Variants in COP1 observed in about 807,000 individuals in gnomAD.
COP1 encodes the protein COP1 E3 ubiquitin ligase, also known as E3 ubiquitin-protein ligase COP1.
A neutral mutation model predicts 101.3 loss-of-function variants in COP1; 24 were observed. The observed-to-expected ratio is 0.24, with a 90% CI of 0.17 to 0.33. The LOEUF is 0.33. Among genes scored for constraint, COP1 ranks in the 10% least tolerant of loss-of-function variants. COP1 has a pLI of 1.00. For missense variants in COP1, 663 were observed against 906.2 expected, an observed-to-expected ratio of 0.73 and a Z score of 3.45; for synonymous variants, 347 against 341.9, an observed-to-expected ratio of 1.01 and a Z score of -0.17.
intron 14 of COP1, among the ~76,000 whole-genome samples, chr1:176,029,918 G>C (rs1668377024): frequency 6.6e-6 from 1 of 152,028 alleles, no homozygotes; most frequent in Admixed American, 6.6e-5. Context: ...AGTAAACTAA[G>C]ACCCTCAATA....
intron 3 of COP1, among the ~76,000 whole-genome samples, chr1:176,171,799 A>G (rs1478608172): frequency 6.6e-6 from 1 of 152,228 alleles, no homozygotes. Flanking sequence ...CAGAATTTCA[A>G]GCACGGAAAT....
At chr1:176,122,026 G>A (rs1471058487) in intron 8 of COP1, among the ~76,000 whole-genome samples, 2 of 151,734 alleles carry the variant, frequency 1.3e-5, no homozygotes, top group African/African-American at 4.8e-5. Flanking sequence ...TGTAGTCCCA[G>A]CTACTCAGGA....
At chr1:176,006,073 T>A (rs1406829764) in intron 15 of COP1, among the ~76,000 whole-genome samples, 2 of 152,264 alleles carry the variant, frequency 1.3e-5, no homozygotes, top group East Asian at 3.8e-4. Flanking sequence ...TAGCTCTTCC[T>A]GCTGAATTGA....
intron 9 of COP1, among the ~76,000 whole-genome samples, chr1:176,101,153 C>T (rs193172665): frequency 2.3e-4 from 35 of 152,240 alleles, no homozygotes; most frequent in African/African-American, 7.9e-4. Flanking sequence ...GTAGCATGCC[C>T]CCCACCATCA....
intron 2 of COP1, among the ~76,000 whole-genome samples, chr1:176,178,594 G>GT (rs1697294919): frequency 6.6e-6 from 1 of 152,146 alleles, no homozygotes. Flanking sequence ...GCTCACACCT[G>GT]TAATTCCAGC....
At chr1:175,998,094 A>T (rs1251865486) in intron 15 of COP1, among the ~76,000 whole-genome samples, 1 of 132,512 alleles carries the variant, frequency 7.5e-6, no homozygotes, top group Admixed American at 8.0e-5. Flanking sequence ...AAAAAAAGAA[A>T]ATGTGGCACA....
At chr1:175,994,713 C>T (rs1469482340) in intron 15 of COP1, among the ~76,000 whole-genome samples, 3 of 152,154 alleles carry the variant, frequency 2.0e-5, no homozygotes, top group Non-Finnish European at 4.4e-5. Context: ...AATATATATG[C>T]ACCCAATACA....
intron 11 of COP1, among the ~76,000 whole-genome samples, chr1:176,058,842 C>T (rs12033847): frequency 0.43 from 59,263 of 137,350 alleles, 11,833 homozygotes; most frequent in East Asian, 0.56. Context: ...TGTGGTAACA[C>T]GCCTCCTCAG....
rs1434498507 is a variant in COP1 at position 175,987,062 on chromosome 1, A to G, written c.2014T>C (p.Ser672Pro). Residue 672 changes from serine (S) to proline (P), a missense_variant, in exon 18 of 20, where the codon TCT (serine) becomes CCT (proline). By Grantham distance (74) the Ser-to-Pro change is moderately conservative. Around this residue, in one of 4 missense-constraint regions of COP1, gnomAD observed 209 missense variants for 383.3 expected, o/e 0.55. Coordinates refer to ENST00000367669, the MANE Select transcript of COP1 (RefSeq NM_022457.7). ...NSLYLYYKGL[S>P]KTLLTFKFDT... is the part of the protein sequence containing the mutation. ...AACTTAAAAGTTAGCAAAGTCTTAG[A>G]AAGTCCTTTATAGTACAGGTAGAGA... 1 of 1,581,146 alleles carries G rather than the reference A, an allele frequency of 6.3e-7. No individual in the cohort carries two copies. Among genetic ancestry groups the G allele is most frequent in the Middle Eastern group, 1.7e-4 (1 of 5,976 alleles).
chr1:176,184,057 G>A (rs964142466), intron 2 of COP1, among the ~76,000 whole-genome samples: 3 of 151,822 alleles, frequency 2.0e-5, no homozygotes, highest in African/African-American at 7.3e-5. Flanking sequence ...TTACATAACT[G>A]TGGTTAAAAT....
At chr1:176,077,795 T>G (rs1056796255) in intron 11 of COP1, among the ~76,000 whole-genome samples, 3 of 152,206 alleles carry the variant, frequency 2.0e-5, no homozygotes, top group African/African-American at 7.2e-5. Context: ...ATAGACAAAT[T>G]CAGCAAAGTT....
At chr1:176,021,703 C>T (rs908730369) in intron 15 of COP1, among the ~76,000 whole-genome samples, 1 of 152,042 alleles carries the variant, frequency 6.6e-6, no homozygotes, top group Non-Finnish European at 1.5e-5. Flanking sequence ...TAGCTGGGAC[C>T]CTTTAACACT....
In COP1 at chr1:175,959,375, C is replaced by A. The variant is rs551838207; in HGVS notation, c.2134-12136G>T. 6.6e-5 allele frequency among the ~76,000 whole-genome samples: 10 copies of A among 152,106 alleles called. 1 individual carries two copies. In the South Asian group the frequency reaches 1.9e-3, roughly 28 times the overall value. ...TAATGATAACATCTTTAAAAGCTTT[C>A]CCTTTGGTGAGGAACAAGTCAACGA... On this transcript the variant is annotated intron_variant, in intron 18 of 19. Coordinates refer to ENST00000367669, the MANE Select transcript of COP1 (RefSeq NM_022457.7).
rs1431734433 is a variant in COP1 at position 176,043,071 on chromosome 1, A to T, written c.1612+115T>A. ...AACATGGGGAATAATAATAATCAGT[A>T]ATCACAAAGGACTGACATGAGTTTG... is the stretch of plus-strand genomic sequence containing the variant. On this transcript the variant is annotated intron_variant, in intron 14 of 19. Coordinates refer to ENST00000367669, the MANE Select transcript of COP1 (RefSeq NM_022457.7). 1.2e-5 allele frequency: 8 copies of T among 679,374 alleles called. No homozygotes were observed. In the East Asian group the frequency reaches 2.1e-4, roughly 18 times the overall value. 42.1% of individuals were successfully genotyped at this position (679,374 alleles called of 1,614,324 possible). A position where few individuals can be genotyped will look rare whatever the true frequency, so the allele number is the denominator to read the frequency against.
At chr1:176,190,634 T>C (rs1358116399) in intron 1 of COP1, among the ~76,000 whole-genome samples, 11 of 151,988 alleles carry the variant, frequency 7.2e-5, no homozygotes, top group Non-Finnish European at 4.4e-5. Flanking sequence ...AAGGGTCATA[T>C]TGCAATCCGG....
chr1:176,205,110 G>A (rs1293720384), intron 1 of COP1, among the ~76,000 whole-genome samples: 1 of 152,250 alleles, frequency 6.6e-6, no homozygotes, highest in East Asian at 1.9e-4. Flanking sequence ...TTACACGGAG[G>A]CTAACATGTT....
At chr1:176,079,789 T>A (rs185475312) in intron 11 of COP1, among the ~76,000 whole-genome samples, 1 of 152,134 alleles carries the variant, frequency 6.6e-6, no homozygotes, top group East Asian at 1.9e-4. Flanking sequence ...CTGCTGAATG[T>A]GGGTGATGGT....
chr1:176,092,245 T>C (rs909146867), intron 9 of COP1, among the ~76,000 whole-genome samples: 9 of 152,136 alleles, frequency 5.9e-5, no homozygotes, highest in Admixed American at 3.3e-4. Flanking sequence ...AATTTAAAAA[T>C]AGGCATTCTT....
chr1:175,985,252 G>A (rs975030754), intron 18 of COP1, among the ~76,000 whole-genome samples: 2 of 152,160 alleles, frequency 1.3e-5, no homozygotes, highest in Admixed American at 1.3e-4. Context: ...TGTTTCTACA[G>A]TCTGTTGCTT....
Sources: allele counts gnomAD v4.1 joint callset (sites outside exome capture counted in the v4.1 genomes callset), GRCh38; gene constraint gnomAD v4.1.1; regional missense constraint gnomAD v4.1.1; transcripts MANE v1.5; gene names NCBI Gene and HGNC (gene_info 2026-07-23, HGNC 2026-07-21).